Variants in DOCK7 observed in about 807,000 individuals in gnomAD.
The protein encoded by DOCK7 is dedicator of cytokinesis protein 7.
A neutral mutation model predicts 271.0 loss-of-function variants in DOCK7; 138 were observed. The observed-to-expected ratio is 0.51, with a 90% CI of 0.44 to 0.59. DOCK7 has a LOEUF of 0.59. Among genes scored for constraint, DOCK7 ranks in the 20% least tolerant of loss-of-function variants. The probability of loss-of-function intolerance (pLI) is 0.00; values close to 1 mark genes in which losing one functional copy is unlikely to be tolerated. For synonymous variants in DOCK7, 823 were observed against 876.1 expected (o/e 0.94, Z 1.07); for missense variants, 2,066 against 2,592.4 (o/e 0.80, Z 4.41).
At chr1:62,465,268 T>G (rs763935171) in intron 48 of DOCK7, among the ~76,000 whole-genome samples, 5 of 152,232 alleles carry the variant, frequency 3.3e-5, no homozygotes, top group African/African-American at 7.2e-5. Flanking sequence ...TCATAGTTCT[T>G]GTGTATTTTT....
chr1:62,602,757 A>T (rs1325228273), intron 14 of DOCK7, among the ~76,000 whole-genome samples: 1 of 151,564 alleles, frequency 6.6e-6, no homozygotes, highest in Non-Finnish European at 1.5e-5. Flanking sequence ...TCTCTCATTA[A>T]CGTTTTACAT....
rs764403206 is a variant in DOCK7 at position 62,539,739 on chromosome 1, A to C, written c.3186+13T>G. On this transcript the variant is annotated intron_variant, in intron 26 of 49. Transcript: ENST00000635253. Reference sequence around the variant, plus strand: ...CTTGAAAGAGAGATAAGTGGGGAAAAAGTTATCATTACCTTCTGAAATCGT... The same window carrying C: ...CTTGAAAGAGAGATAAGTGGGGAAACAGTTATCATTACCTTCTGAAATCGT... 1 of 1,611,978 alleles carries C rather than the reference A, an allele frequency of 6.2e-7. No homozygotes were observed. The highest frequency in any genetic ancestry group is 1.1e-5 in the South Asian group (1 of 90,406).
At chr1:62,682,323 GGACTA>G (rs1333100503) in intron 1 of DOCK7, among the ~76,000 whole-genome samples, 2 of 152,084 alleles carry the variant, frequency 1.3e-5, no homozygotes, top group African/African-American at 4.8e-5. Context: ...GAGGAGGGAG[GGACTA>G]GATCAGCTAG....
intron 48 of DOCK7, among the ~76,000 whole-genome samples, chr1:62,468,592 A>G (rs1645746906): frequency 6.6e-6 from 1 of 152,108 alleles, no homozygotes; most frequent in Admixed American, 6.5e-5. Context: ...GAAATAAAGC[A>G]AATCCAAATC....
intron 9 of DOCK7, 80 bp from the exon 10 acceptor site, chr1:62,633,658 T>C: frequency 1.1e-6 from 1 of 900,474 alleles, no homozygotes. Flanking sequence ...AAAATCAATA[T>C]AACACATTAA....
intron 14 of DOCK7, chr1:62,601,953 T>C: frequency 1.1e-6 from 1 of 898,514 alleles, no homozygotes; most frequent in South Asian, 1.3e-5. Context: ...AAGATTAACC[T>C]GGTTATCATT....
intron 12 of DOCK7, among the ~76,000 whole-genome samples, chr1:62,621,454 T>G (rs1293574802): frequency 1.3e-5 from 2 of 152,232 alleles, no homozygotes; most frequent in Non-Finnish European, 2.9e-5. Context: ...ATTTTATTGT[T>G]TTATGCATAT....
chr1:62,561,646 C>T lies in DOCK7; in HGVS notation c.2170G>A (p.Val724Ile), dbSNP rs946416516. Residue 724 changes from valine (V) to isoleucine (I), a missense_variant, in exon 19 of 50, where the codon GTT becomes ATT. This residue lies in a region of DOCK7 where 1,414 missense variants were observed against 1,670.4 expected (regional missense o/e 0.85). Transcript: ENST00000635253. ...DNHKGVFNVEVVAVSSIHTQD... is the reference protein window; with the variant it reads ...DNHKGVFNVEIVAVSSIHTQD... ...GTATGGATAGACGAAACAGCAACAA[C>T]TTCAACATTAAAAACACCTTTGTGA... 1 of 1,572,132 alleles carries T rather than the reference C, an allele frequency of 6.4e-7. No individual in the cohort carries two copies.
intron 33 of DOCK7, among the ~76,000 whole-genome samples, 177 bp downstream of exon 33, chr1:62,513,267 C>T (rs71643633): frequency 5.1e-5 from 2 of 39,248 alleles, no homozygotes; most frequent in East Asian, 1.2e-3. Flanking sequence ...GGGGGGGGGG[C>T]GGTATGCTGA....
intron 28 of DOCK7, among the ~76,000 whole-genome samples, chr1:62,536,242 CT>C (rs2149386904): frequency 6.6e-6 from 1 of 152,170 alleles, no homozygotes; most frequent in South Asian, 2.1e-4. Flanking sequence ...AAATCTTCTC[CT>C]AATAAGAATA....
Position 62,578,937 on chromosome 1 carries a change from A to C in DOCK7, c.1901T>G (p.Val634Gly). 1 of 1,592,774 alleles carries C rather than the reference A, an allele frequency of 6.3e-7. No individual in the cohort carries two copies. The highest frequency in any genetic ancestry group is 8.5e-7 in the Non-Finnish European group (1 of 1,172,926). Residue 634 changes from valine to glycine, a missense_variant, in exon 17 of 50, where the codon GTT (valine) becomes GGT (glycine). Coordinates refer to ENST00000635253, the MANE Select transcript of DOCK7 (RefSeq NM_001367561.1). ...GTCAGTTAAAGTAGCAGGAAGCTTA[A>C]CCTTGATTTCTTCATGAAAATCAGG... ...RSPDFHEEIK[V>G]KLPATLTDHH...
intron 23 of DOCK7, 104 bp downstream of exon 23, chr1:62,544,843 T>A: frequency 1.2e-6 from 1 of 854,348 alleles, no homozygotes; most frequent in Non-Finnish European, 1.8e-6. Context: ...CACTTTTTAA[T>A]GATTAAAAAA....
intron 18 of DOCK7, among the ~76,000 whole-genome samples, chr1:62,570,018 C>T (rs531913054): frequency 1.3e-5 from 2 of 152,250 alleles, no homozygotes; most frequent in East Asian, 3.9e-4. Context: ...CCAGCCACCA[C>T]TCCTATTCAA....
At chr1:62,536,950 T>C (rs1176182483) in intron 28 of DOCK7, among the ~76,000 whole-genome samples, 3 of 152,216 alleles carry the variant, frequency 2.0e-5, no homozygotes, top group African/African-American at 4.8e-5. Flanking sequence ...CTTTTTCATC[T>C]ACAGAGAACC....
At chr1:62,647,124 A>G (rs898367861) in intron 7 of DOCK7, among the ~76,000 whole-genome samples, 2 of 152,228 alleles carry the variant, frequency 1.3e-5, no homozygotes, top group African/African-American at 4.8e-5. Flanking sequence ...CTATGAATTG[A>G]AACTTTTTTC....
At chr1:62,625,055 TTAAA>T (rs2149604042) in intron 12 of DOCK7, 200 bp downstream of exon 12, 1 of 420,670 alleles carries the variant, frequency 2.4e-6, no homozygotes, top group Admixed American at 3.9e-5. Flanking sequence ...ATTTCAACAT[TTAAA>T]TAAATATAAT....
intron 4 of DOCK7, among the ~76,000 whole-genome samples, chr1:62,651,701 C>T (rs1343129779): frequency 6.6e-6 from 1 of 151,986 alleles, no homozygotes; most frequent in East Asian, 2.0e-4. Flanking sequence ...ATTTCTCATG[C>T]ACATTATTCT....
At chr1:62,600,557 G>A (rs772999204) in intron 14 of DOCK7, among the ~76,000 whole-genome samples, 5 of 151,794 alleles carry the variant, frequency 3.3e-5, no homozygotes, top group South Asian at 2.1e-4. Context: ...CTAAACTAAC[G>A]ATAAACTACT....
intron 49 of DOCK7, 82 bp downstream of exon 49, chr1:62,457,456 G>T: frequency 7.4e-7 from 1 of 1,360,488 alleles, no homozygotes; most frequent in South Asian, 1.3e-5. Flanking sequence ...ACAGATGCTC[G>T]AGCTGTAAAA....
Sources: allele counts gnomAD v4.1 joint callset (sites outside exome capture counted in the v4.1 genomes callset), GRCh38; gene constraint gnomAD v4.1.1; regional missense constraint gnomAD v4.1.1; transcripts MANE v1.5; gene names NCBI Gene and HGNC (gene_info 2026-07-23, HGNC 2026-07-21).